The following PTPRD variants were observed in gnomAD, a reference collection of about 807,000 sequenced individuals.
PTPRD encodes the protein protein tyrosine phosphatase receptor type D.
A neutral mutation model predicts 214.5 loss-of-function variants in PTPRD; 34 were observed. The observed-to-expected ratio is 0.16, with a 90% CI of 0.12 to 0.21. The LOEUF (loss-of-function observed/expected upper bound fraction) is 0.21, where lower values mean the gene tolerates loss of function less well. Among genes scored for constraint, PTPRD ranks in the 10% least tolerant of loss-of-function variants. The pLI is 1.00. For missense variants in PTPRD, 2,545 were observed against 2,398.7 expected, an observed-to-expected ratio of 1.06 and a Z score of -1.27; for synonymous variants, 1,128 against 845.7, an observed-to-expected ratio of 1.33 and a Z score of -5.79.
intron 2 of PTPRD, among the ~76,000 whole-genome samples, chr9:10,500,491 T>A (rs920777617): frequency 7.9e-5 from 12 of 152,068 alleles, no homozygotes; most frequent in Middle Eastern, 3.4e-3. Flanking sequence ...TGGATAATAA[T>A]CCCTTCAGGG....
At chr9:10,151,419 C>G (rs149312128) in intron 3 of PTPRD, among the ~76,000 whole-genome samples, 1 of 149,448 alleles carries the variant, frequency 6.7e-6, no homozygotes, top group East Asian at 2.0e-4. Flanking sequence ...CATGCCACCA[C>G]GCCCTGCTAA....
At chr9:8,884,984 G>T (rs2098474907) in intron 11 of PTPRD, among the ~76,000 whole-genome samples, 1 of 152,056 alleles carries the variant, frequency 6.6e-6, no homozygotes, top group Non-Finnish European at 1.5e-5. Context: ...TCAGTGAGGG[G>T]GAATACAACG....
intron 5 of PTPRD, among the ~76,000 whole-genome samples, chr9:9,917,270 G>C (rs1257277379): frequency 2.5e-5 from 2 of 78,808 alleles, no homozygotes; most frequent in African/African-American, 9.0e-5. Flanking sequence ...GGGTTTCTGA[G>C]AAGATGAAAT....
chr9:9,462,007 G>T (rs562056046), intron 8 of PTPRD, among the ~76,000 whole-genome samples: 2 of 151,960 alleles, frequency 1.3e-5, no homozygotes, highest in South Asian at 2.1e-4. Flanking sequence ...TATTATAGTA[G>T]TTGCCATAAC....
chr9:8,366,299 T>A (rs889003786), intron 39 of PTPRD, among the ~76,000 whole-genome samples: 3 of 152,076 alleles, frequency 2.0e-5, no homozygotes, highest in Non-Finnish European at 4.4e-5. Flanking sequence ...ACTAGAGATA[T>A]GACAAACCAT....
chr9:9,678,016 T>A (rs552930408), intron 7 of PTPRD, among the ~76,000 whole-genome samples: 1 of 152,056 alleles, frequency 6.6e-6, no homozygotes, highest in African/African-American at 2.4e-5. Flanking sequence ...TTACAAGGGA[T>A]GTGAAGGACC....
At chr9:9,120,679 T>A (rs1260930043) in intron 10 of PTPRD, among the ~76,000 whole-genome samples, 2 of 152,166 alleles carry the variant, frequency 1.3e-5, no homozygotes, top group Non-Finnish European at 2.9e-5. Context: ...CCAGCACCGG[T>A]GAGTCTGACT....
intron 9 of PTPRD, among the ~76,000 whole-genome samples, chr9:9,335,684 T>A (rs1238072982): frequency 6.6e-6 from 1 of 152,096 alleles, no homozygotes; most frequent in Non-Finnish European, 1.5e-5. Context: ...TTTCTTTACT[T>A]TTTTATTCCT....
intron 5 of PTPRD, among the ~76,000 whole-genome samples, chr9:9,771,261 C>T (rs2098749590): frequency 6.6e-6 from 1 of 152,074 alleles, no homozygotes; most frequent in Non-Finnish European, 1.5e-5. Context: ...TATCATTTCT[C>T]ATCACTGTCT....
intron 3 of PTPRD, among the ~76,000 whole-genome samples, chr9:10,090,688 G>C (rs2098418550): frequency 6.9e-6 from 1 of 145,906 alleles, no homozygotes. Flanking sequence ...TTTTAATGTA[G>C]AAAGCAGGAT....
At chr9:10,176,567 G>A (rs1470538038) in intron 3 of PTPRD, among the ~76,000 whole-genome samples, 2 of 151,968 alleles carry the variant, frequency 1.3e-5, no homozygotes, top group East Asian at 3.9e-4. Context: ...CAGTCACATA[G>A]TAAAAGTGAT....
chr9:9,769,608 G>C (rs976348350), intron 5 of PTPRD, among the ~76,000 whole-genome samples: 4 of 151,440 alleles, frequency 2.6e-5, no homozygotes, highest in South Asian at 4.2e-4. Context: ...TTACAGGCTT[G>C]AGCCACCGTG....
At chr9:10,106,290 C>A (rs1253716376) in intron 3 of PTPRD, among the ~76,000 whole-genome samples, 1 of 151,842 alleles carries the variant, frequency 6.6e-6, no homozygotes, top group Admixed American at 6.6e-5. Flanking sequence ...CAAAGATAAT[C>A]CACATTTAAT....
At chr9:9,689,243 A>G (rs901446491) in intron 7 of PTPRD, among the ~76,000 whole-genome samples, 1 of 151,842 alleles carries the variant, frequency 6.6e-6, no homozygotes, top group African/African-American at 2.4e-5. Flanking sequence ...AAATAATTCC[A>G]CATAAGGTCT....
At chr9:10,115,665 C>T (rs2098725152) in intron 3 of PTPRD, among the ~76,000 whole-genome samples, 1 of 151,950 alleles carries the variant, frequency 6.6e-6, no homozygotes, top group Non-Finnish European at 1.5e-5. Flanking sequence ...TTCTGTTCCC[C>T]ACTAAGGGAA....
intron 15 of PTPRD, chr9:8,528,201 G>C: frequency 2.4e-6 from 1 of 412,656 alleles, no homozygotes; most frequent in Non-Finnish European, 4.2e-6. Flanking sequence ...ACAACCATTG[G>C]ATCTCCTTGC....
In PTPRD at chr9:9,212,172, T is replaced by C. The variant is rs757224948; in HGVS notation, c.-202-28809A>G. Among the ~76,000 whole-genome samples the C allele has an allele frequency of 5.5e-4, 84 of 152,182 alleles. 1 individual carries two copies. The highest frequency in any genetic ancestry group is 1.1e-3 in the Non-Finnish European group (78 of 68,022). The stretch of plus-strand genomic sequence containing the variant: ...ATTTTATGATATCCATCACTATTCA[T>C]TGGTGAATTCCATGTTCTTAGGTAA... On this transcript the variant is annotated intron_variant, in intron 9 of 45. Coordinates refer to ENST00000381196, the MANE Select transcript of PTPRD (RefSeq NM_002839.4).
intron 10 of PTPRD, among the ~76,000 whole-genome samples, chr9:9,131,525 T>A (rs1449869698): frequency 1.3e-5 from 2 of 152,324 alleles, no homozygotes; most frequent in East Asian, 3.9e-4. Context: ...GCTATATATA[T>A]TCTATTTGCC....
At chr9:9,686,363 C>CA (rs2097167716) in intron 7 of PTPRD, among the ~76,000 whole-genome samples, 1 of 151,176 alleles carries the variant, frequency 6.6e-6, no homozygotes, top group African/African-American at 2.4e-5. Flanking sequence ...ATTTCAATTA[C>CA]GCACTTCAAC....
Sources: gnomAD v4.1 joint callset for allele counts (sites outside exome capture counted in the v4.1 genomes callset) on GRCh38, gnomAD v4.1.1 for gene constraint, MANE v1.5 for transcripts, NCBI Gene and HGNC (gene_info 2026-07-23, HGNC 2026-07-21) for gene names.